The following OCA2 variants were observed in gnomAD, a reference collection of about 807,000 sequenced individuals.
OCA2 encodes P protein.
In OCA2, 77 loss-of-function variants were observed where a neutral mutation model predicts 100.2. The observed-to-expected ratio is 0.77, with a 90% CI of 0.64 to 0.93. The LOEUF (loss-of-function observed/expected upper bound fraction) is 0.93. Ranked by LOEUF, OCA2 falls within the 40% of genes least tolerant of loss-of-function variation. The probability of loss-of-function intolerance (pLI) is 0.00; values close to 1 mark genes in which losing one functional copy is unlikely to be tolerated. For missense variants in OCA2, 1,062 were observed against 1,089.1 expected, an observed-to-expected ratio of 0.98 and a Z score of 0.35; for synonymous variants, 432 against 439.2, an observed-to-expected ratio of 0.98 and a Z score of 0.21.
Position 28,032,097 on chromosome 15 carries a change from A to G in OCA2, c.294T>C (p.Thr98=). 1 of 1,614,028 alleles carries G rather than the reference A, an allele frequency of 6.2e-7. No homozygotes were observed. Among genetic ancestry groups the G allele is most frequent in the Non-Finnish European group, 8.5e-7 (1 of 1,179,894 alleles). Residue 98 remains threonine, a synonymous_variant, in exon 3 of 24, where the codon ACT becomes ACC. Coordinates refer to ENST00000354638, the MANE Select transcript of OCA2 (RefSeq NM_000275.3). ...CCTGTAAGGAATTCCTCAGCAAAGG[A>G]GTGTTTTCTGTAAAGCAGGAATCTT... ...RSKDSCFTEN[T]PLLRNSLQEK...
At chr15:28,040,929 T>G (rs975398426) in intron 2 of OCA2, among the ~76,000 whole-genome samples, 129 of 152,140 alleles carry the variant, frequency 8.5e-4, no homozygotes, top group Non-Finnish European at 3.1e-4. Context: ...TAACACCAAT[T>G]CTTCTCAAAC....
chr15:28,016,590 G>A (rs1015269093), intron 7 of OCA2, among the ~76,000 whole-genome samples: 1 of 152,134 alleles, frequency 6.6e-6, no homozygotes, highest in Admixed American at 6.5e-5. Context: ...ATCAGCCTGG[G>A]CAACAGAGCA....
chr15:27,976,065 T>C (rs966256186), intron 14 of OCA2, among the ~76,000 whole-genome samples: 2 of 152,208 alleles, frequency 1.3e-5, no homozygotes, highest in Non-Finnish European at 2.9e-5. Flanking sequence ...TAATTTTCAG[T>C]TATTTATTGC....
intron 2 of OCA2, among the ~76,000 whole-genome samples, chr15:28,072,648 G>T (rs190861733): frequency 7.1e-4 from 104 of 147,280 alleles, no homozygotes; most frequent in African/African-American, 2.4e-3. Context: ...GACGTGAACA[G>T]ATACTTCTCA....
At chr15:27,940,353 T>G (rs544175192) in intron 18 of OCA2, among the ~76,000 whole-genome samples, 2 of 152,338 alleles carry the variant, frequency 1.3e-5, no homozygotes, top group Non-Finnish European at 2.9e-5. Context: ...GCCCTGTAGT[T>G]AGGTGAAGCC....
chr15:27,956,071 C>T (rs372233514), intron 16 of OCA2, among the ~76,000 whole-genome samples: 12 of 152,230 alleles, frequency 7.9e-5, no homozygotes, highest in South Asian at 2.1e-4. Context: ...ACTTGCAGGA[C>T]GGGCGTGGTG....
At chr15:27,870,062 C>T (rs1005028458) in intron 21 of OCA2, among the ~76,000 whole-genome samples, 1 of 152,234 alleles carries the variant, frequency 6.6e-6, no homozygotes, top group African/African-American at 2.4e-5. Flanking sequence ...AGGCTGCAAG[C>T]GAGGGATGCA....
At chr15:27,930,014 A>G (rs1332376733) in intron 18 of OCA2, among the ~76,000 whole-genome samples, 1 of 152,206 alleles carries the variant, frequency 6.6e-6, no homozygotes, top group Non-Finnish European at 1.5e-5. Flanking sequence ...ATGAAGGAAC[A>G]GGAACTTTCA....
chr15:28,058,922 T>G (rs548276440), intron 2 of OCA2, among the ~76,000 whole-genome samples: 29 of 152,232 alleles, frequency 1.9e-4, no homozygotes, highest in African/African-American at 7.0e-4. Flanking sequence ...CCAGAAGTCC[T>G]GAGGGGATGC....
chr15:27,892,118 T>C (rs1490306047), intron 19 of OCA2, among the ~76,000 whole-genome samples: 1 of 152,140 alleles, frequency 6.6e-6, no homozygotes. Flanking sequence ...TGTTTATAAT[T>C]GGGAACATAA....
intron 2 of OCA2, among the ~76,000 whole-genome samples, chr15:28,033,446 A>G (rs534260570): frequency 4.9e-4 from 75 of 152,338 alleles, no homozygotes; most frequent in African/African-American, 1.7e-3. Context: ...CCTGTGAGAT[A>G]GACAATAAGA....
chr15:27,966,933 T>C (rs1330716167), intron 14 of OCA2, 111 bp from the exon 15 acceptor site: 13 of 1,206,758 alleles, frequency 1.1e-5, no homozygotes, highest in African/African-American at 1.5e-5. Context: ...ATGGAGACCA[T>C]CCTGGCTAAC....
intron 2 of OCA2, among the ~76,000 whole-genome samples, chr15:28,049,046 A>T (rs1440745138): frequency 6.6e-6 from 1 of 152,174 alleles, no homozygotes; most frequent in Non-Finnish European, 1.5e-5. Context: ...TGAAACGACA[A>T]CCTATGGAAT....
chr15:27,728,575 C>T, the OCA2 span, among the ~76,000 whole-genome samples: 6 of 152,176 alleles, frequency 3.9e-5, no homozygotes, highest in African/African-American at 1.4e-4. Flanking sequence ...CACACACGTA[C>T]ATCATGGGGA....
At chr15:28,016,005 G>A (rs1445278802) in intron 8 of OCA2, 99 bp downstream of exon 8, 4 of 884,320 alleles carry the variant, frequency 4.5e-6, no homozygotes, top group Non-Finnish European at 7.7e-6. Context: ...TGCTGACCTG[G>A]TGCTGTGTGG....
chr15:27,721,304 G>A, the OCA2 span, among the ~76,000 whole-genome samples: 1 of 152,210 alleles, frequency 6.6e-6, no homozygotes, highest in South Asian at 2.1e-4. Flanking sequence ...GGAGGCAGAG[G>A]TTGCAGTGAG....
intron 2 of OCA2, among the ~76,000 whole-genome samples, chr15:28,058,704 A>G (rs1359374425): frequency 6.6e-6 from 1 of 152,212 alleles, no homozygotes; most frequent in Non-Finnish European, 1.5e-5. Context: ...AAATAGTAAT[A>G]ATCCAGGTGA....
intron 23 of OCA2, among the ~76,000 whole-genome samples, chr15:27,838,130 C>G (rs1033677540): frequency 6.6e-6 from 1 of 152,114 alleles, no homozygotes; most frequent in Non-Finnish European, 1.5e-5. Context: ...CCAGGAAACA[C>G]AAAACCACAT....
intron 19 of OCA2, among the ~76,000 whole-genome samples, chr15:27,922,967 C>T (rs1304708417): frequency 1.1e-4 from 16 of 152,088 alleles, no homozygotes; most frequent in African/African-American, 3.9e-4. Context: ...CTCCTCCCAC[C>T]TTTCATCCTC....
Sources: gnomAD v4.1 joint callset for allele counts (sites outside exome capture counted in the v4.1 genomes callset) on GRCh38, gnomAD v4.1.1 for gene constraint, MANE v1.5 for transcripts, NCBI Gene and HGNC (gene_info 2026-07-23, HGNC 2026-07-21) for gene names.